The following EYA2 variants were observed in gnomAD, a reference collection of about 807,000 sequenced individuals.
The protein encoded by EYA2 is EYA transcriptional coactivator and phosphatase 2, also known as protein phosphatase EYA2.
Under a neutral mutation model 69.2 loss-of-function variants are expected in EYA2, and 31 were observed. The observed-to-expected ratio is 0.45, with a 90% CI of 0.34 to 0.60. The LOEUF (loss-of-function observed/expected upper bound fraction) is 0.60, where lower values mean the gene tolerates loss of function less well. Ranked by LOEUF, EYA2 falls within the 20% of genes least tolerant of loss-of-function variation. The probability of loss-of-function intolerance (pLI) is 0.02; values close to 1 mark genes in which losing one functional copy is unlikely to be tolerated. For missense variants in EYA2, 622 were observed against 701.2 expected, an observed-to-expected ratio of 0.89 and a Z score of 1.28; for synonymous variants, 257 against 279.4, an observed-to-expected ratio of 0.92 and a Z score of 0.80.
chr20:46,967,879 G>T (rs1052919676), intron 1 of EYA2, among the ~76,000 whole-genome samples: 1 of 152,176 alleles, frequency 6.6e-6, no homozygotes, highest in Non-Finnish European at 1.5e-5. Flanking sequence ...ACCCCTGGTG[G>T]TGGCATAGAC....
rs3818015 is a variant in EYA2 at position 47,188,109 on chromosome 20, C to T, written c.1593C>T (p.His531=). The T allele has an allele frequency of 0.024, 38,077 of 1,586,228 alleles. 3,152 individuals carry two copies. Among genetic ancestry groups the T allele is most frequent in the African/African-American group, 0.23 (17,023 of 74,436 alleles). The change falls in exon 16 of 16, where the codon CAC becomes CAT. Residue 531 remains histidine, a synonymous_variant. Coordinates refer to ENST00000327619, the MANE Select transcript of EYA2 (RefSeq NM_005244.5). ...SCHADLEALR[H]ALELEYL is the part of the protein sequence containing the mutation. ...ACGCAGACCTGGAGGCACTGAGGCA[C>T]GCCCTGGAGCTGGAGTATTTATAGC...
intron 5 of EYA2, among the ~76,000 whole-genome samples, chr20:47,070,290 C>T (rs1394965361): frequency 6.6e-6 from 1 of 152,192 alleles, no homozygotes; most frequent in Admixed American, 6.5e-5. Context: ...CTAAAAAGCA[C>T]ATGAAAAATG....
At chr20:47,048,414 T>C (rs2030156984) in intron 5 of EYA2, among the ~76,000 whole-genome samples, 1 of 152,176 alleles carries the variant, frequency 6.6e-6, no homozygotes, top group South Asian at 2.1e-4. Flanking sequence ...TGGGTTTTCA[T>C]GGGAAATTAT....
At chr20:47,183,541 A>C (rs2034578782) in intron 15 of EYA2, 150 bp downstream of exon 15, 1 of 634,192 alleles carries the variant, frequency 1.6e-6, no homozygotes, top group African/African-American at 1.8e-5. Flanking sequence ...TTCCATTTGC[A>C]AATTGCAGAA....
At position 46,968,938 on chromosome 20, in the gene EYA2, A is replaced by G. The variant is rs577791362; in HGVS notation, c.-10-21063A>G. ...GACAGTATTACGTATCTCATGGGTT[A>G]TTTTAAGGATTAAATCAACCAGTGT... On this transcript the variant is annotated intron_variant, in intron 1 of 15. Coordinates refer to ENST00000327619, the MANE Select transcript of EYA2 (RefSeq NM_005244.5). Among the ~76,000 whole-genome samples, 14 of 152,300 alleles carry G rather than the reference A, an allele frequency of 9.2e-5. No homozygotes were observed. In the East Asian group the frequency reaches 2.7e-3, roughly 29 times the overall value.
chr20:47,008,945 A>T lies in EYA2; in HGVS notation c.298+3861A>T, dbSNP rs116069268. 4.0e-3 allele frequency among the ~76,000 whole-genome samples: 616 copies of T among 152,362 alleles called. 3 individuals carry two copies. Among genetic ancestry groups the T allele is most frequent in the African/African-American group, 0.014 (595 of 41,572 alleles). On this transcript the variant is annotated intron_variant, in intron 4 of 15. Coordinates refer to ENST00000327619, the MANE Select transcript of EYA2 (RefSeq NM_005244.5). ...GTAAATACTTTCTACTTTGTGATCC[A>T]TATGGTCTTTATTACAACTACTCAG... is the stretch of plus-strand genomic sequence containing the variant.
At chr20:46,966,625 G>A (rs572037787) in intron 1 of EYA2, among the ~76,000 whole-genome samples, 34 of 152,172 alleles carry the variant, frequency 2.2e-4, no homozygotes, top group African/African-American at 7.2e-4. Flanking sequence ...TGGCTAACAC[G>A]GTGAAACCCT....
chr20:47,091,177 TG>T (rs2032073592), intron 8 of EYA2, among the ~76,000 whole-genome samples: 3 of 152,100 alleles, frequency 2.0e-5, no homozygotes, highest in Non-Finnish European at 1.5e-5. Flanking sequence ...TGCCACCAGA[TG>T]GTAAGAAATT....
chr20:47,012,457 G>A (rs367726334), intron 4 of EYA2, among the ~76,000 whole-genome samples: 1 of 152,050 alleles, frequency 6.6e-6, no homozygotes, highest in Non-Finnish European at 1.5e-5. Flanking sequence ...TAATATTTTA[G>A]TAAAAATGAA....
chr20:47,117,019 CAG>C (rs1230419928), intron 9 of EYA2, among the ~76,000 whole-genome samples: 4 of 100,008 alleles, frequency 4.0e-5, no homozygotes, highest in African/African-American at 9.1e-5. Context: ...TTTTTTGAGG[CAG>C]AGTCTTGCTC....
At position 47,089,258 on chromosome 20, in the gene EYA2, T is replaced by C; in HGVS notation, c.681T>C (p.Asn227=). Reference sequence around the variant, plus strand: ...CGCCAGGTGAATACAACACACACAATGGACCTTCCACACCAGCGAAAGAGG... The same window carrying C: ...CGCCAGGTGAATACAACACACACAACGGACCTTCCACACCAGCGAAAGAGG... ...ESLAGEYNTH[N]GPSTPAKEGD... The change falls in exon 8 of 16, where the codon AAT becomes AAC. Residue 227 remains asparagine, a synonymous_variant. Transcript: ENST00000327619. 6.2e-7 allele frequency: 1 copy of C among 1,614,090 alleles called. No individual in the cohort carries two copies. The highest frequency in any genetic ancestry group is 8.5e-7 in the Non-Finnish European group (1 of 1,179,990).
In EYA2 at chr20:47,180,951, C is replaced by A; in HGVS notation, c.1435+15C>A. Reference sequence around the variant, plus strand: ...AACCAAGACAGGTAGGGAGAAGCCACACCTCGGCGGGGATACAGGGTTGGA... The same window carrying A: ...AACCAAGACAGGTAGGGAGAAGCCAAACCTCGGCGGGGATACAGGGTTGGA... On this transcript the variant is annotated intron_variant, in intron 14 of 15. Coordinates refer to ENST00000327619, the MANE Select transcript of EYA2 (RefSeq NM_005244.5). The A allele has an allele frequency of 6.2e-7, 1 of 1,612,582 alleles. No individual in the cohort carries two copies. The highest frequency in any genetic ancestry group is 1.1e-5 in the South Asian group (1 of 90,722).
intron 10 of EYA2, among the ~76,000 whole-genome samples, chr20:47,165,521 T>G (rs3091506): frequency 0.4 from 60,019 of 151,860 alleles, 12,046 homozygotes; most frequent in African/African-American, 0.44. Context: ...CACCTGGGGG[T>G]ACTTCCCTGC....
chr20:47,052,786 G>A (rs1244281505), intron 5 of EYA2, among the ~76,000 whole-genome samples: 1 of 151,862 alleles, frequency 6.6e-6, no homozygotes, highest in Non-Finnish European at 1.5e-5. Flanking sequence ...CACCATACCC[G>A]GTTATTATTC....
intron 1 of EYA2, among the ~76,000 whole-genome samples, chr20:46,973,677 C>CT (rs1980278016): frequency 6.6e-6 from 1 of 152,112 alleles, no homozygotes; most frequent in African/African-American, 2.4e-5. Flanking sequence ...ATTGTTGAGT[C>CT]TAAGTAATGG....
intron 5 of EYA2, among the ~76,000 whole-genome samples, chr20:47,058,868 G>A (rs1019954147): frequency 1.2e-4 from 19 of 152,144 alleles, no homozygotes; most frequent in African/African-American, 4.3e-4. Context: ...GGTGGAGGAG[G>A]AGACATGCCC....
intron 5 of EYA2, among the ~76,000 whole-genome samples, chr20:47,067,260 G>A (rs1034058466): frequency 3.3e-5 from 5 of 152,150 alleles, no homozygotes; most frequent in African/African-American, 1.2e-4. Context: ...GAGACAGGTG[G>A]CTTCCTAAGC....
chr20:47,020,297 T>A (rs185971095), intron 5 of EYA2, among the ~76,000 whole-genome samples: 1 of 152,294 alleles, frequency 6.6e-6, no homozygotes, highest in Admixed American at 6.5e-5. Context: ...CTAGGTCTTC[T>A]AGCTAATCTC....
At chr20:47,072,069 G>C in intron 5 of EYA2, 116 bp from the exon 6 acceptor site, 1 of 916,064 alleles carries the variant, frequency 1.1e-6, no homozygotes, top group East Asian at 2.4e-5. Context: ...CAGAGCTTCT[G>C]CCCAGCTGTC....
Sources: gnomAD v4.1 joint callset for allele counts (sites outside exome capture counted in the v4.1 genomes callset) on GRCh38, gnomAD v4.1.1 for gene constraint, MANE v1.5 for transcripts, NCBI Gene and HGNC (gene_info 2026-07-23, HGNC 2026-07-21) for gene names.